RAB11FIP3: variants seen among roughly 807,000 people sequenced by gnomAD.
The protein encoded by RAB11FIP3 is RAB11 family interacting protein 3, also known as rab11 family-interacting protein 3.
A neutral mutation model predicts 77.8 loss-of-function variants in RAB11FIP3; 17 were observed. That is an observed-to-expected ratio of 0.22 (90% CI 0.15 to 0.33). The LOEUF (loss-of-function observed/expected upper bound fraction) is 0.33, where lower values mean the gene tolerates loss of function less well. Among genes scored for constraint, RAB11FIP3 ranks in the 10% least tolerant of loss-of-function variants. The pLI, the probability that RAB11FIP3 is intolerant of heterozygous loss-of-function variation, is 1.00. For synonymous variants in RAB11FIP3, 437 were observed against 448.2 expected, an observed-to-expected ratio of 0.98 and a Z score of 0.31; for missense variants, 1,005 against 1,011.2, an observed-to-expected ratio of 0.99 and a Z score of 0.08.
At chr16:501,662 C>T (rs2031531873) in intron 6 of RAB11FIP3, among the ~76,000 whole-genome samples, 1 of 117,782 alleles carries the variant, frequency 8.5e-6, no homozygotes, top group Non-Finnish European at 1.7e-5. Flanking sequence ...CAGACAAGTT[C>T]AGAGAGGCTC....
At chr16:490,013 A>AG (rs1168658223) in intron 5 of RAB11FIP3, among the ~76,000 whole-genome samples, 1 of 152,182 alleles carries the variant, frequency 6.6e-6, no homozygotes, top group African/African-American at 2.4e-5. Flanking sequence ...TGTCAAGACA[A>AG]GGGCCAGAGG....
At chr16:518,118 C>T (rs929058049) in intron 9 of RAB11FIP3, among the ~76,000 whole-genome samples, 2 of 152,220 alleles carry the variant, frequency 1.3e-5, no homozygotes. Flanking sequence ...CTTGCTTTGT[C>T]ACTAGGCTGG....
chr16:475,699 C>T (rs561092941), intron 3 of RAB11FIP3, among the ~76,000 whole-genome samples: 9 of 152,048 alleles, frequency 5.9e-5, no homozygotes, highest in African/African-American at 9.7e-5. Context: ...GTATCGATGG[C>T]GATGGCATGG....
Position 520,519 on chromosome 16 carries a change from A to C in RAB11FIP3, c.2077A>C (p.Ile693Leu), listed in dbSNP as rs779261537. The change falls in exon 13 of 14, where the codon ATC becomes CTC. Residue 693 changes from isoleucine to leucine, a missense_variant. Coordinates refer to ENST00000262305, the MANE Select transcript of RAB11FIP3 (RefSeq NM_014700.4). Reference sequence around the variant, plus strand: ...GAACGGGCAGATCATTACCCTCAGCATCCAGGGCGCCAAGAGCCTCTTCTC... The same window carrying C: ...GAACGGGCAGATCATTACCCTCAGCCTCCAGGGCGCCAAGAGCCTCTTCTC... ...ELNGQIITLS[I>L]QGAKSLFSTA... is the part of the protein sequence containing the mutation. 7 of 1,613,686 alleles carry C rather than the reference A, an allele frequency of 4.3e-6. No individual in the cohort carries two copies. The highest frequency in any genetic ancestry group is 5.9e-6 in the Non-Finnish European group (7 of 1,180,010).
In RAB11FIP3 at chr16:505,680, C is replaced by T. The variant is rs2031835755; in HGVS notation, c.1499+53C>T. ...TCTGCGTGGCGCCTCCTGTGCCCGC[C>T]TGTCAGCCCCCATTTACTTCTCTTT... On this transcript the variant is annotated intron_variant, in intron 8 of 13. Transcript: ENST00000262305. The surrounding 1 kb of genome is among the most constrained non-coding windows in gnomAD (Gnocchi z 4.0). 1 of 1,413,176 alleles carries T rather than the reference C, an allele frequency of 7.1e-7. No individual in the cohort carries two copies. The highest frequency in any genetic ancestry group is 1.4e-5 in the African/African-American group (1 of 70,552). 87.5% of individuals were successfully genotyped at this position (1,413,176 alleles called of 1,614,324 possible).
intron 1 of RAB11FIP3, among the ~76,000 whole-genome samples, chr16:450,263 G>A (rs373647337): frequency 6.6e-6 from 1 of 152,064 alleles, no homozygotes; most frequent in Non-Finnish European, 1.5e-5. Context: ...TCTGCCTCCC[G>A]GGCTCAAGCG....
At chr16:448,449 A>T (rs1370615274) in intron 1 of RAB11FIP3, among the ~76,000 whole-genome samples, 3 of 151,952 alleles carry the variant, frequency 2.0e-5, no homozygotes, top group Non-Finnish European at 4.4e-5. Flanking sequence ...TAAAAATACA[A>T]AATTAGGCCG....
At chr16:495,317 G>A (rs2141828827) in intron 5 of RAB11FIP3, among the ~76,000 whole-genome samples, 2 of 152,322 alleles carry the variant, frequency 1.3e-5, no homozygotes, top group South Asian at 4.1e-4. Context: ...CCAGGGCTGA[G>A]GTCTGCACCA....
chr16:482,462 G>A, intron 3 of RAB11FIP3, 63 bp from the exon 4 acceptor site: 3 of 1,483,530 alleles, frequency 2.0e-6, no homozygotes, highest in South Asian at 2.3e-5. Context: ...GCAGTGAGGT[G>A]TGGGGCGTTC....
chr16:437,730 TTA>T (rs2055154825), intron 1 of RAB11FIP3, among the ~76,000 whole-genome samples: 1 of 152,114 alleles, frequency 6.6e-6, no homozygotes, highest in Admixed American at 6.6e-5. Context: ...CGCAAGACTG[TTA>T]TGTCATTTAA....
At chr16:454,366 C>T (rs2055460551) in intron 1 of RAB11FIP3, among the ~76,000 whole-genome samples, 1 of 152,040 alleles carries the variant, frequency 6.6e-6, no homozygotes, top group Non-Finnish European at 1.5e-5. Context: ...TGCTGGAGTC[C>T]AGGAGTTTGA....
At chr16:468,592 C>T (rs1235336234) in intron 2 of RAB11FIP3, among the ~76,000 whole-genome samples, 1 of 152,036 alleles carries the variant, frequency 6.6e-6, no homozygotes. Context: ...GCCCTGTCTG[C>T]GTCGAGGAGT....
At chr16:519,387 G>A (rs1281564035) in intron 10 of RAB11FIP3, among the ~76,000 whole-genome samples, 1 of 152,194 alleles carries the variant, frequency 6.6e-6, no homozygotes, top group Non-Finnish European at 1.5e-5. Context: ...ACCTCACCAG[G>A]TGTGCTCTGG....
intron 1 of RAB11FIP3, among the ~76,000 whole-genome samples, chr16:429,070 C>T (rs1310718570): frequency 6.6e-6 from 1 of 152,086 alleles, no homozygotes; most frequent in Non-Finnish European, 1.5e-5. Flanking sequence ...GGGCCGGCTT[C>T]CTGGGATGGA....
intron 2 of RAB11FIP3, among the ~76,000 whole-genome samples, chr16:462,730 AGCACCATCCCTTCCCCAGCACC>A (rs1417127599): frequency 3.5e-4 from 39 of 111,036 alleles, no homozygotes; most frequent in Middle Eastern, 5.1e-3. Flanking sequence ...TCCCTTCCCC[AGCACCATCCCTTCCCCAGCACC>A]GCACCATCCC....
At chr16:482,431 T>G (rs989954347) in intron 3 of RAB11FIP3, 94 bp from the exon 4 acceptor site, 2 of 1,165,876 alleles carry the variant, frequency 1.7e-6, no homozygotes, top group African/African-American at 3.0e-5. Flanking sequence ...CCCTCCACAC[T>G]GCCCTCTCCA....
chr16:518,768 G>C (rs367963286), intron 9 of RAB11FIP3, among the ~76,000 whole-genome samples, 175 bp from the exon 10 acceptor site: 2 of 152,192 alleles, frequency 1.3e-5, no homozygotes, highest in Non-Finnish European at 1.5e-5. Flanking sequence ...CAAGGATTAC[G>C]GAAAAGCTGT....
chr16:510,238 G>A (rs905544495), intron 8 of RAB11FIP3, among the ~76,000 whole-genome samples: 13 of 151,658 alleles, frequency 8.6e-5, no homozygotes, highest in African/African-American at 2.7e-4. Context: ...GCACCTCCAC[G>A]CCCCGTCCCG....
At chr16:441,021 A>T (rs1005733166) in intron 1 of RAB11FIP3, among the ~76,000 whole-genome samples, 2 of 151,580 alleles carry the variant, frequency 1.3e-5, no homozygotes, top group African/African-American at 4.9e-5. Context: ...GCTCACTGCA[A>T]CCTCCAGCTC....
Sources: allele counts gnomAD v4.1 joint callset (sites outside exome capture counted in the v4.1 genomes callset), GRCh38; gene constraint gnomAD v4.1.1; non-coding constraint Gnocchi (gnomAD v3.1); transcripts MANE v1.5; gene names NCBI Gene and HGNC (gene_info 2026-07-23, HGNC 2026-07-21).